SCRG1: variants seen among roughly 807,000 people sequenced by gnomAD.
SCRG1 encodes the protein stimulator of chondrogenesis 1.
A neutral mutation model predicts 7.7 loss-of-function variants in SCRG1; 3 were observed. The ratio of observed to expected loss-of-function variants is 0.39; its 90% CI spans 0.18 to 1.01. SCRG1 has a LOEUF of 1.01. Among genes scored for constraint, SCRG1 ranks in the 50% least tolerant of loss-of-function variants. SCRG1 has a pLI of 0.36. For missense variants in SCRG1, 110 were observed against 117.2 expected, an observed-to-expected ratio of 0.94 and a Z score of 0.28; for synonymous variants, 46 against 41.2, an observed-to-expected ratio of 1.12 and a Z score of -0.44.
the SCRG1 span, among the ~76,000 whole-genome samples, chr4:173,415,923 C>T: frequency 6.6e-6 from 1 of 152,182 alleles, no homozygotes; most frequent in African/African-American, 2.4e-5. Context: ...CCAATAAAAT[C>T]ATGCGAAAGA....
the SCRG1 span, among the ~76,000 whole-genome samples, chr4:173,473,251 G>T: frequency 6.6e-6 from 1 of 152,230 alleles, no homozygotes; most frequent in African/African-American, 2.4e-5. Flanking sequence ...TAGGAACTCT[G>T]TCTGGCAAGG....
chr4:173,407,646 AT>A (rs1364414326), upstream of SCRG1, among the ~76,000 whole-genome samples: 2 of 152,222 alleles, frequency 1.3e-5, no homozygotes, highest in African/African-American at 4.8e-5. Flanking sequence ...TAAAATCATT[AT>A]TTGTAATAAT....
At chr4:173,444,624 T>A in the SCRG1 span, among the ~76,000 whole-genome samples, 1 of 152,248 alleles carries the variant, frequency 6.6e-6, no homozygotes, top group Non-Finnish European at 1.5e-5. Flanking sequence ...CCCTCAACAG[T>A]GACTTGGTCA....
the SCRG1 span, among the ~76,000 whole-genome samples, chr4:173,461,228 G>A: frequency 6.6e-6 from 1 of 152,248 alleles, no homozygotes; most frequent in Non-Finnish European, 1.5e-5. Flanking sequence ...AGCAAACATA[G>A]ACAGTAGTCA....
At chr4:173,473,435 G>T in the SCRG1 span, among the ~76,000 whole-genome samples, 1 of 152,134 alleles carries the variant, frequency 6.6e-6, no homozygotes, top group Non-Finnish European at 1.5e-5. Context: ...CAGCCACCTG[G>T]GTGTAGGCGA....
At chr4:173,441,939 A>C in the SCRG1 span, among the ~76,000 whole-genome samples, 1 of 152,224 alleles carries the variant, frequency 6.6e-6, no homozygotes, top group Non-Finnish European at 1.5e-5. Context: ...AATATACATG[A>C]TAGACCGTAA....
chr4:173,482,780 T>C, the SCRG1 span, among the ~76,000 whole-genome samples: 1 of 150,828 alleles, frequency 6.6e-6, no homozygotes, highest in African/African-American at 2.4e-5. Context: ...AATGTGCCAC[T>C]GGACTCCAGC....
chr4:173,403,114 C>A (rs577320668), upstream of SCRG1: 7 of 152,238 alleles, frequency 4.6e-5, no homozygotes, highest in South Asian at 1.5e-3. Context: ...AACAACATAA[C>A]CTCTATTACC....
chr4:173,402,147 T>C (rs1739778920), upstream of SCRG1, among the ~76,000 whole-genome samples: 1 of 152,218 alleles, frequency 6.6e-6, no homozygotes. Context: ...GTGAATCTTT[T>C]ATGTGACATA....
At chr4:173,465,719 T>G in the SCRG1 span, among the ~76,000 whole-genome samples, 1 of 151,880 alleles carries the variant, frequency 6.6e-6, no homozygotes, top group African/African-American at 2.4e-5. Flanking sequence ...CTTTACCATT[T>G]CTAAGTGTAC....
the SCRG1 span, among the ~76,000 whole-genome samples, chr4:173,496,030 A>C: frequency 6.6e-6 from 1 of 152,138 alleles, no homozygotes; most frequent in Non-Finnish European, 1.5e-5. Context: ...ATGTGCAAAG[A>C]TATGAAGGCA....
At chr4:173,508,827 C>T in the SCRG1 span, among the ~76,000 whole-genome samples, 4 of 152,240 alleles carry the variant, frequency 2.6e-5, no homozygotes, top group South Asian at 8.3e-4. This position sits in a 1 kb window ranked among gnomAD's most constrained non-coding sequence, Gnocchi z 4.4. Context: ...ACTCGGGGCC[C>T]GGGAGGCCGA....
the SCRG1 span, among the ~76,000 whole-genome samples, chr4:173,496,534 A>C: frequency 2.7e-4 from 41 of 152,334 alleles, 1 homozygote; most frequent in African/African-American, 9.6e-4. Flanking sequence ...AATGTCCTCT[A>C]TCAGGGAGTT....
the SCRG1 span, chr4:173,419,406 C>A: frequency 8.3e-7 from 1 of 1,209,966 alleles, no homozygotes; most frequent in Non-Finnish European, 1.2e-6. Flanking sequence ...CGTACAGCAG[C>A]ATGAGCTTTC....
the SCRG1 span, among the ~76,000 whole-genome samples, chr4:173,437,396 A>G: frequency 6.6e-6 from 1 of 152,226 alleles, no homozygotes; most frequent in Non-Finnish European, 1.5e-5. Context: ...GCAGTACTTA[A>G]CGCAATAACT....
the SCRG1 span, among the ~76,000 whole-genome samples, chr4:173,474,480 G>T: frequency 2.0e-5 from 3 of 152,132 alleles, no homozygotes; most frequent in African/African-American, 7.2e-5. Flanking sequence ...AATGAAGTGG[G>T]AAAAAGAGTC....
the SCRG1 span, among the ~76,000 whole-genome samples, chr4:173,482,369 T>A: frequency 3.3e-5 from 5 of 152,170 alleles, no homozygotes; most frequent in Admixed American, 3.3e-4. Context: ...ATATGTCATG[T>A]GTACTAGTGT....
At chr4:173,411,522 G>A in the SCRG1 span, among the ~76,000 whole-genome samples, 5 of 152,282 alleles carry the variant, frequency 3.3e-5, no homozygotes, top group Admixed American at 1.3e-4. Context: ...GTTCCACATT[G>A]CTCAATCTGA....
chr4:173,467,513 G>A, the SCRG1 span, among the ~76,000 whole-genome samples: 1 of 152,176 alleles, frequency 6.6e-6, no homozygotes, highest in Non-Finnish European at 1.5e-5. Flanking sequence ...AAAATTGCTA[G>A]TCACCTGAGG....
Sources: gnomAD v4.1 joint callset for allele counts (sites outside exome capture counted in the v4.1 genomes callset) on GRCh38, gnomAD v4.1.1 for gene constraint, Gnocchi (gnomAD v3.1) non-coding constraint, MANE v1.5 for transcripts, NCBI Gene and HGNC (gene_info 2026-07-23, HGNC 2026-07-21) for gene names.